Variants in VRK2 observed in about 807,000 individuals in gnomAD.
The protein encoded by VRK2 is VRK serine/threonine kinase 2.
In VRK2, 60 loss-of-function variants were observed where a neutral mutation model predicts 57.6. The ratio of observed to expected loss-of-function variants is 1.04; its 90% CI spans 0.85 to 1.29. VRK2 has a LOEUF of 1.29. Among genes scored for constraint, VRK2 ranks in the 50% most tolerant of loss-of-function variants. The pLI is 0.00. For synonymous variants in VRK2, 231 were observed against 199.2 expected, an observed-to-expected ratio of 1.16 and a Z score of -1.35; for missense variants, 705 against 588.1, an observed-to-expected ratio of 1.20 and a Z score of -2.06.
intron 1 of VRK2, among the ~76,000 whole-genome samples, chr2:57,911,699 T>C (rs1324574527): frequency 6.6e-6 from 1 of 152,238 alleles, no homozygotes; most frequent in Non-Finnish European, 1.5e-5. Context: ...TTTACAGTGA[T>C]AATCACATAC....
At chr2:58,010,167 C>T (rs1037317915) in intron 1 of VRK2, among the ~76,000 whole-genome samples, 7 of 152,124 alleles carry the variant, frequency 4.6e-5, no homozygotes, top group African/African-American at 7.2e-5. Flanking sequence ...TCAAATCAGA[C>T]TGTCTGGGTT....
chr2:58,020,401 C>T (rs1373104491), intron 1 of VRK2, among the ~76,000 whole-genome samples: 2 of 152,118 alleles, frequency 1.3e-5, no homozygotes, highest in East Asian at 3.9e-4. Flanking sequence ...GACAGAGTCT[C>T]AATATGTTTT....
chr2:58,038,140 A>T (rs1264188210), intron 3 of VRK2, among the ~76,000 whole-genome samples: 1 of 152,074 alleles, frequency 6.6e-6, no homozygotes, highest in East Asian at 1.9e-4. Flanking sequence ...TCGAATTGTA[A>T]TCCTCAGGTG....
At chr2:58,156,587 TG>T (rs1265455525) in intron 12 of VRK2, among the ~76,000 whole-genome samples, 17 of 115,170 alleles carry the variant, frequency 1.5e-4, no homozygotes, top group African/African-American at 9.8e-4. Flanking sequence ...GTGTTTTTTT[TG>T]TTTTGTTTTG....
intron 1 of VRK2, among the ~76,000 whole-genome samples, chr2:58,018,582 T>C (rs933630443): frequency 2.6e-5 from 4 of 152,248 alleles, no homozygotes; most frequent in African/African-American, 9.6e-5. Context: ...AATACTTCTA[T>C]ATCTGATATC....
chr2:57,993,379 G>A (rs971797287), intron 1 of VRK2, among the ~76,000 whole-genome samples: 3 of 151,808 alleles, frequency 2.0e-5, no homozygotes, highest in African/African-American at 4.8e-5. Context: ...CCCAAGTACA[G>A]TTACATTAGA....
chr2:58,063,173 T>A (rs996513592), intron 2 of VRK2, among the ~76,000 whole-genome samples: 2 of 145,946 alleles, frequency 1.4e-5, no homozygotes, highest in Non-Finnish European at 3.0e-5. Context: ...GGTTTACTGA[T>A]TTTTTTTTTT....
chr2:58,077,230 T>C (rs1670240470), intron 2 of VRK2, among the ~76,000 whole-genome samples: 1 of 152,066 alleles, frequency 6.6e-6, no homozygotes, highest in African/African-American at 2.4e-5. Flanking sequence ...TACCTTAGTG[T>C]AAGCAGAACT....
At chr2:58,131,661 G>A (rs899229110) in intron 8 of VRK2, 147 bp from the exon 9 acceptor site, 12 of 1,011,984 alleles carry the variant, frequency 1.2e-5, no homozygotes, top group South Asian at 7.8e-5. Flanking sequence ...ATGCTTGGGC[G>A]TTTAAGTTTT....
intron 10 of VRK2, among the ~76,000 whole-genome samples, chr2:58,139,028 C>T (rs985356564): frequency 1.3e-5 from 2 of 152,018 alleles, no homozygotes; most frequent in East Asian, 3.9e-4. Context: ...CATTTCTTTA[C>T]ACTAGAGAAA....
intron 11 of VRK2, 144 bp downstream of exon 11, chr2:58,139,976 A>C (rs775061819): frequency 8.4e-6 from 7 of 832,706 alleles, no homozygotes; most frequent in Non-Finnish European, 1.2e-5. Context: ...CAGCACCAAG[A>C]AAGTTTGTTC....
upstream of VRK2, among the ~76,000 whole-genome samples, chr2:58,046,030 A>G (rs950340820): frequency 6.6e-6 from 1 of 152,066 alleles, no homozygotes; most frequent in Admixed American, 6.5e-5. Flanking sequence ...TTTTTAGTAG[A>G]GATAGGGTTT....
At chr2:58,114,940 C>T (rs779983691) in intron 7 of VRK2, among the ~76,000 whole-genome samples, 2 of 151,942 alleles carry the variant, frequency 1.3e-5, no homozygotes, top group African/African-American at 4.8e-5. Flanking sequence ...CTAATTTGCC[C>T]GTCCTGGGTG....
chr2:58,134,425 C>T (rs113782798), intron 9 of VRK2, among the ~76,000 whole-genome samples: 12 of 151,640 alleles, frequency 7.9e-5, no homozygotes, highest in African/African-American at 2.7e-4. Flanking sequence ...TCCTGGCTAA[C>T]AAGGTGAAAC....
At position 57,986,969 on chromosome 2, in the gene VRK2, T is replaced by A. The variant is rs572440572; in HGVS notation, c.-438-38696T>A. The stretch of plus-strand genomic sequence containing the variant: ...TTGTTAGATAAAGGATAATATTTTT[T>A]AAAAATTGTGTTGGAAAAACTGGAT... On this transcript the variant is annotated intron_variant, in intron 1 of 15. Coordinates refer to the VRK2 transcript ENST00000417641. 1.8e-3 allele frequency among the ~76,000 whole-genome samples: 274 copies of A among 152,276 alleles called. 1 individual carries two copies. The highest frequency in any genetic ancestry group is 5.8e-3 in the African/African-American group (241 of 41,560).
intron 1 of VRK2, among the ~76,000 whole-genome samples, chr2:57,954,592 T>C (rs1671526626): frequency 1.3e-5 from 2 of 152,054 alleles, no homozygotes; most frequent in South Asian, 4.1e-4. Context: ...CTCAATATAC[T>C]AAAAGTATAG....
At chr2:58,078,394 A>T (rs1373348519) in intron 2 of VRK2, among the ~76,000 whole-genome samples, 1 of 152,048 alleles carries the variant, frequency 6.6e-6, no homozygotes, top group African/African-American at 2.4e-5. Flanking sequence ...TTGTTTAATT[A>T]TCTGTCCATG....
chr2:58,084,356 C>G (rs887567133), intron 3 of VRK2, among the ~76,000 whole-genome samples: 1 of 151,778 alleles, frequency 6.6e-6, no homozygotes, highest in African/African-American at 2.4e-5. Flanking sequence ...GCTATTCTTT[C>G]TCTTTCCCTC....
At chr2:57,998,142 A>G (rs1672982462) in intron 1 of VRK2, among the ~76,000 whole-genome samples, 1 of 152,228 alleles carries the variant, frequency 6.6e-6, no homozygotes, top group Admixed American at 6.5e-5. Context: ...AAAGGTGGGC[A>G]GGGTTGAGCG....
Sources: allele counts gnomAD v4.1 joint callset (sites outside exome capture counted in the v4.1 genomes callset), GRCh38; gene constraint gnomAD v4.1.1; transcripts MANE v1.5; gene names NCBI Gene and HGNC (gene_info 2026-07-23, HGNC 2026-07-21).